Variants in L2HGDH observed in about 807,000 individuals in gnomAD.
L2HGDH encodes the protein L-2-hydroxyglutarate dehydrogenase.
L2HGDH carries 34 observed loss-of-function variants against 51.5 expected under a neutral mutation model. That is an observed-to-expected ratio of 0.66 (90% CI 0.50 to 0.88). The LOEUF (loss-of-function observed/expected upper bound fraction) is 0.88. Among genes scored for constraint, L2HGDH ranks in the 40% least tolerant of loss-of-function variants. The pLI is 0.00. For synonymous variants in L2HGDH, 198 were observed against 197.9 expected (o/e 1.00, Z -0.01); for missense variants, 558 against 571.9 (o/e 0.98, Z 0.25).
intron 5 of L2HGDH, among the ~76,000 whole-genome samples, chr14:50,282,272 A>G (rs1890316470): frequency 6.6e-6 from 1 of 152,056 alleles, no homozygotes; most frequent in African/African-American, 2.4e-5. Context: ...TCTGGCCCCA[A>G]TATCAATAGT....
At position 50,294,369 on chromosome 14, in the gene L2HGDH, A is replaced by AT. The variant is rs200838878; in HGVS notation, c.409-124dup. ...CAAAGGAGGTTAATTTTTTAAAATT[A>AT]TTTTTTCTTCACATATCTAATTCTT... On this transcript the variant is annotated intron_variant, in intron 3 of 9. Coordinates refer to ENST00000267436, the MANE Select transcript of L2HGDH (RefSeq NM_024884.3). The AT allele has an allele frequency of 3.2e-4, 298 of 917,664 alleles. 2 individuals are homozygous for AT. The East Asian group carries it at 5.7e-3, about 18-fold the overall frequency. The allele number at this position is 917,664 out of a possible 1,614,324, so 56.8% of individuals were successfully genotyped here.
chr14:50,253,834 T>C lies in L2HGDH; in HGVS notation c.1197-6581A>G, dbSNP rs1281495179. Among the ~76,000 whole-genome samples, 8 of 152,144 alleles carry C rather than the reference T, an allele frequency of 5.3e-5. 1 individual carries two copies. The highest frequency in any genetic ancestry group is 1.9e-4 in the African/African-American group (8 of 41,440). ...AATAAAATGTGGTATCTATACACAA[T>C]GGAGTACTATTCAGCCATTAAAAAG... On this transcript the variant is annotated intron_variant, in intron 9 of 9. Coordinates refer to ENST00000267436, the MANE Select transcript of L2HGDH (RefSeq NM_024884.3).
intron 9 of L2HGDH, among the ~76,000 whole-genome samples, chr14:50,258,960 C>G (rs889399575): frequency 2.0e-5 from 3 of 151,480 alleles, no homozygotes; most frequent in Non-Finnish European, 4.4e-5. Flanking sequence ...CTTGCCCCAG[C>G]CTCCTGAGTA....
rs1889428327 is a variant in L2HGDH at position 50,267,747 on chromosome 14, T to C, written c.1064+6A>G. The C allele has an allele frequency of 1.9e-6, 3 of 1,596,212 alleles. No individual in the cohort carries two copies. Among genetic ancestry groups the C allele is most frequent in the Non-Finnish European group, 1.7e-6 (2 of 1,164,382 alleles). ...TAAAATCATTTTTAAAAATAAATAA[T>C]GTTACCTATTGATAATTATATCCAT... On this transcript the variant is annotated splice_donor_region_variant and intron_variant, in intron 8 of 9. Transcript: ENST00000267436.
At chr14:50,267,471 T>C (rs112214370) in intron 8 of L2HGDH, among the ~76,000 whole-genome samples, 6,883 of 152,232 alleles carry the variant, frequency 0.045, 464 homozygotes, top group African/African-American at 0.14. Context: ...CATGAGCCAC[T>C]GCGCCCAGCC....
intron 8 of L2HGDH, among the ~76,000 whole-genome samples, chr14:50,265,794 A>G (rs1481839240): frequency 6.6e-6 from 1 of 152,156 alleles, no homozygotes; most frequent in Non-Finnish European, 1.5e-5. Context: ...CACACCTGTA[A>G]TCCCAGCTAA....
chr14:50,279,746 G>C (rs1005029051), intron 5 of L2HGDH, among the ~76,000 whole-genome samples: 8 of 151,740 alleles, frequency 5.3e-5, no homozygotes, highest in Admixed American at 4.6e-4. Flanking sequence ...AGATTGCTTC[G>C]ATCCCTTTCA....
chr14:50,256,982 C>G (rs1300148139), intron 9 of L2HGDH, among the ~76,000 whole-genome samples: 1 of 152,150 alleles, frequency 6.6e-6, no homozygotes, highest in Non-Finnish European at 1.5e-5. Context: ...GTCACTCAGG[C>G]TGGGGTACAA....
intron 5 of L2HGDH, among the ~76,000 whole-genome samples, chr14:50,281,371 T>C (rs1890262314): frequency 1.3e-5 from 2 of 152,116 alleles, no homozygotes; most frequent in Non-Finnish European, 1.5e-5. Context: ...GGCAGGAAGA[T>C]CACCTGAGGT....
intron 6 of L2HGDH, among the ~76,000 whole-genome samples, chr14:50,273,834 A>C (rs148984613): frequency 4.4e-4 from 67 of 152,324 alleles, no homozygotes; most frequent in African/African-American, 1.4e-3. Flanking sequence ...TAATCCCCGC[A>C]CTTTGGGAGC....
At chr14:50,297,286 A>G (rs536689781) in intron 3 of L2HGDH, among the ~76,000 whole-genome samples, 44 of 152,328 alleles carry the variant, frequency 2.9e-4, no homozygotes, top group Non-Finnish European at 5.4e-4. Flanking sequence ...AAGTAGTTAA[A>G]AGACATCTAA....
Position 50,270,009 on chromosome 14 carries a change from G to T in L2HGDH, c.739-679C>A, listed in dbSNP as rs548162459. Among the ~76,000 whole-genome samples the T allele has an allele frequency of 6.6e-5, 10 of 152,194 alleles. No individual in the cohort carries two copies. The East Asian group carries it at 1.9e-3, about 29-fold the overall frequency. On this transcript the variant is annotated intron_variant, in intron 6 of 9. Transcript: ENST00000267436. ...CTTCTCCTGTATCTGAGCAATTACC[G>T]TGTTACTCTTCGGTTGCTTCACACT...
At chr14:50,255,242 T>C (rs1566503841) in intron 9 of L2HGDH, among the ~76,000 whole-genome samples, 1 of 151,852 alleles carries the variant, frequency 6.6e-6, no homozygotes, top group East Asian at 1.9e-4. Flanking sequence ...AGTATTATTA[T>C]TTGAAATCTC....
chr14:50,252,560 G>A lies in L2HGDH; in HGVS notation c.1197-5307C>T, dbSNP rs199719768. Among the ~76,000 whole-genome samples the A allele has an allele frequency of 3.3e-5, 5 of 151,676 alleles. No homozygotes were observed. The East Asian group carries it at 9.6e-4, about 29-fold the overall frequency. ...TACTTCACCTATAAAGATACAAAGAGACTAAAAATAAAGGGATGGAAAAAG... is the reference window on the plus strand; with the variant it reads ...TACTTCACCTATAAAGATACAAAGAAACTAAAAATAAAGGGATGGAAAAAG... On this transcript the variant is annotated intron_variant, in intron 9 of 9. Transcript: ENST00000267436.
chr14:50,246,641 C>G lies in L2HGDH; in HGVS notation c.*417G>C, dbSNP rs1405626292. ...GTAGAAACAGGGTTTTGCCATGTTG[C>G]CCAGGCTGTTCTCAAACTCCTGGGC... On this transcript the variant is annotated 3_prime_UTR_variant, in exon 10 of 10. Transcript: ENST00000267436. The G allele has an allele frequency of 1.7e-5, 3 of 174,268 alleles. No homozygotes were observed. In the South Asian group the frequency reaches 3.8e-4, roughly 22 times the overall value. The allele number at this position is 174,268 out of a possible 1,614,324, so 10.8% of individuals were successfully genotyped here. A position where few individuals can be genotyped will look rare whatever the true frequency, so the allele number is the denominator to read the frequency against.
Position 50,258,210 on chromosome 14 carries a change from C to G in L2HGDH, c.1196+7148G>C, listed in dbSNP as rs535892184. On this transcript the variant is annotated intron_variant, in intron 9 of 9. Transcript: ENST00000267436. ...GTACCAATCCAACACCAATGTCTCT[C>G]CACTGGGTTATTTTATTTTTTTTAG... is the stretch of plus-strand genomic sequence containing the variant. Among the ~76,000 whole-genome samples the G allele has an allele frequency of 2.6e-5, 4 of 152,008 alleles. No individual in the cohort carries two copies. The South Asian group carries it at 8.3e-4, about 32-fold the overall frequency.
chr14:50,299,032 T>G (rs2030250280), intron 3 of L2HGDH, among the ~76,000 whole-genome samples: 1 of 151,838 alleles, frequency 6.6e-6, no homozygotes, highest in African/African-American at 2.4e-5. Context: ...TACAAAAGAT[T>G]AATGAAAGGT....
chr14:50,262,152 G>A (rs1383063669), intron 9 of L2HGDH, among the ~76,000 whole-genome samples: 9 of 152,136 alleles, frequency 5.9e-5, no homozygotes, highest in African/African-American at 1.2e-4. Flanking sequence ...TATTGATCTT[G>A]GCCAGGCGCA....
chr14:50,294,794 CTTAT>C (rs2029931278), intron 3 of L2HGDH, among the ~76,000 whole-genome samples: 1 of 152,146 alleles, frequency 6.6e-6, no homozygotes, highest in Non-Finnish European at 1.5e-5. Flanking sequence ...AATTCATCAA[CTTAT>C]TTATTTCTTT....
Sources: allele counts gnomAD v4.1 joint callset (sites outside exome capture counted in the v4.1 genomes callset), GRCh38; gene constraint gnomAD v4.1.1; transcripts MANE v1.5; gene names NCBI Gene and HGNC (gene_info 2026-07-23, HGNC 2026-07-21).